The following DNAH10 variants were observed in gnomAD, a reference collection of about 807,000 sequenced individuals.
DNAH10 encodes dynein axonemal heavy chain 10.
In DNAH10, 348 loss-of-function variants were observed where a neutral mutation model predicts 506.6. The ratio of observed to expected loss-of-function variants is 0.69; its 90% CI spans 0.63 to 0.75. DNAH10 has a LOEUF of 0.75. DNAH10 is among the 30% of genes least tolerant of loss of function. DNAH10 has a pLI of 0.00. For synonymous variants in DNAH10, 2,059 were observed against 2,198.6 expected, an observed-to-expected ratio of 0.94 and a Z score of 1.78; for missense variants, 5,179 against 5,787.1, an observed-to-expected ratio of 0.89 and a Z score of 3.41.
chr12:123,803,609 T>A, intron 16 of DNAH10, 52 bp from the exon 17 acceptor site: 1 of 1,456,618 alleles, frequency 6.9e-7, no homozygotes, highest in Non-Finnish European at 9.1e-7. Context: ...TGGGGGGATG[T>A]GGAAAGACAG....
At chr12:123,922,670 T>G (rs1012102489) in intron 65 of DNAH10, among the ~76,000 whole-genome samples, 12 of 152,296 alleles carry the variant, frequency 7.9e-5, no homozygotes, top group African/African-American at 2.6e-4. Flanking sequence ...TTTTGGTAGG[T>G]TTCGTTTCTC....
chr12:123,928,886 G>T lies in DNAH10; in HGVS notation c.12306+299G>T. The T allele has an allele frequency of 2.1e-6, 1 of 475,688 alleles. No homozygotes were observed. Among genetic ancestry groups the T allele is most frequent in the South Asian group, 3.2e-5 (1 of 31,634 alleles). The allele number at this position is 475,688 out of a possible 1,614,324, so 29.5% of individuals were successfully genotyped here. On this transcript the variant is annotated intron_variant, in intron 70 of 78. Coordinates refer to ENST00000673944, the MANE Select transcript of DNAH10 (RefSeq NM_001372106.1). This position sits in a 1 kb window ranked among gnomAD's most constrained non-coding sequence, Gnocchi z 4.9. ...CCCCCCCACACACAGCCTGCAGTTC[G>T]CTAGTGCTGACTGCAGGAGTTTCGC...
chr12:123,802,476 T>A (rs1428318490), intron 16 of DNAH10, among the ~76,000 whole-genome samples: 1 of 152,150 alleles, frequency 6.6e-6, no homozygotes, highest in African/African-American at 2.4e-5. Flanking sequence ...TGGCTCACTT[T>A]TGTATTTTTA....
At chr12:123,892,060 C>T (rs904839319) in intron 52 of DNAH10, among the ~76,000 whole-genome samples, 3 of 152,378 alleles carry the variant, frequency 2.0e-5, no homozygotes, top group Non-Finnish European at 2.9e-5. Context: ...GCCAAAATCC[C>T]GGATGCCCGG....
At chr12:123,824,548 C>T (rs1162510690) in intron 24 of DNAH10, among the ~76,000 whole-genome samples, 1 of 152,106 alleles carries the variant, frequency 6.6e-6, no homozygotes, top group African/African-American at 2.4e-5. Context: ...TGAATACAGA[C>T]CAGGAGGCTG....
intron 27 of DNAH10, 23 bp downstream of exon 27, chr12:123,833,370 G>A: frequency 6.3e-7 from 1 of 1,580,706 alleles, no homozygotes; most frequent in Non-Finnish European, 8.6e-7. Context: ...ATGAACAAAA[G>A]ATGGATTAGA....
intron 57 of DNAH10, among the ~76,000 whole-genome samples, chr12:123,906,063 G>A (rs1308415701): frequency 1.3e-5 from 2 of 148,804 alleles, no homozygotes; most frequent in Non-Finnish European, 3.0e-5. Flanking sequence ...AGCCTCCTGA[G>A]TACCTCCAGA....
chr12:123,924,881 A>G (rs371828005), intron 67 of DNAH10, among the ~76,000 whole-genome samples, 169 bp from the exon 68 acceptor site: 5 of 152,190 alleles, frequency 3.3e-5, no homozygotes, highest in Admixed American at 6.5e-5. Flanking sequence ...TCCTTTCTCA[A>G]TGTCATAGCC....
At chr12:123,809,327 A>G (rs1157450992) in intron 19 of DNAH10, among the ~76,000 whole-genome samples, 5 of 151,882 alleles carry the variant, frequency 3.3e-5, no homozygotes, top group Non-Finnish European at 7.4e-5. Flanking sequence ...ATTCTCCACC[A>G]CCGGTGGTCA....
At chr12:123,838,736 C>G in intron 29 of DNAH10, 47 bp downstream of exon 29, 1 of 1,535,688 alleles carries the variant, frequency 6.5e-7, no homozygotes, top group Non-Finnish European at 8.9e-7. Context: ...GCCTTAGAAC[C>G]GCCTTCGGTC....
chr12:123,879,527 T>A lies in DNAH10; in HGVS notation c.8467-107T>A, dbSNP rs574633539. The A allele has an allele frequency of 3.9e-3, 5,911 of 1,526,450 alleles. 12 individuals carry two copies. Among genetic ancestry groups the A allele is most frequent in the Non-Finnish European group, 4.7e-3 (5,344 of 1,127,420 alleles). The allele number at this position is 1,526,450 out of a possible 1,614,324, so 94.6% of individuals were successfully genotyped here. ...GCGTCTTGCAGCAACTGAAAAAAAA[T>A]AGAACGCAAATTATTTTAGATAATA... On this transcript the variant is annotated intron_variant, in intron 49 of 78. Coordinates refer to ENST00000673944, the MANE Select transcript of DNAH10 (RefSeq NM_001372106.1).
chr12:123,845,851 A>T lies in DNAH10; in HGVS notation c.5612A>T (p.Asp1871Val). 6.2e-7 allele frequency: 1 copy of T among 1,614,000 alleles called. No individual in the cohort carries two copies. The highest frequency in any genetic ancestry group is 1.3e-5 in the African/African-American group (1 of 75,050). The change falls in exon 31 of 79, where the codon GAT becomes GTT. Residue 1871 changes from aspartate (D) to valine (V), a missense_variant. Physicochemically the swap from Asp to Val is radical, Grantham distance 152 (BLOSUM62 -3). Around this residue, in one of 3 missense-constraint regions of DNAH10, gnomAD observed 4,844 missense variants for 5,430.5 expected, o/e 0.89. Transcript: ENST00000673944. Reference sequence around the variant, plus strand: ...GATGTGCATGCCAGAGACATAGTTGATTCTTTCATAAGAGGCAGGTGAGCA... The same window carrying T: ...GATGTGCATGCCAGAGACATAGTTGTTTCTTTCATAAGAGGCAGGTGAGCA... ...IIDVHARDIV[D>V]SFIRGSILEA...
chr12:123,896,719 G>GAAAAA (rs60387471), intron 54 of DNAH10, among the ~76,000 whole-genome samples: 2 of 92,096 alleles, frequency 2.2e-5, no homozygotes, highest in African/African-American at 3.4e-5. Flanking sequence ...CCTGTCTCAA[G>GAAAAA]AAAAAAAAAA....
intron 1 of DNAH10, among the ~76,000 whole-genome samples, chr12:123,766,433 T>C (rs1300979617): frequency 6.6e-6 from 1 of 152,212 alleles, no homozygotes; most frequent in Non-Finnish European, 1.5e-5. Context: ...TATATACATA[T>C]TATTTTGTGA....
At chr12:123,838,778 C>T in intron 29 of DNAH10, 89 bp downstream of exon 29, 1 of 1,230,720 alleles carries the variant, frequency 8.1e-7, no homozygotes, top group Non-Finnish European at 1.2e-6. Context: ...GAGGTTCAAC[C>T]CAGAGGGTTA....
chr12:123,785,853 G>A lies in DNAH10; in HGVS notation c.1338G>A (p.Glu446=). The A allele has an allele frequency of 6.2e-7, 1 of 1,614,220 alleles. No homozygotes were observed. Among genetic ancestry groups the A allele is most frequent in the African/African-American group, 1.3e-5 (1 of 75,058 alleles). ...TCTCCCGACACTACAACAAAGACGA[G>A]AGGATGATTCCGCTCATGGAGCGCA... is the stretch of plus-strand genomic sequence containing the variant. ...WIISRHYNKD[E]RMIPLMERIA... is the part of the protein sequence containing the mutation. The change falls in exon 9 of 79, where the codon GAG becomes GAA. Residue 446 remains glutamate (E), a synonymous_variant. Transcript: ENST00000673944. This position sits in a 1 kb window ranked among gnomAD's most constrained non-coding sequence, Gnocchi z 4.1.
chr12:123,805,961 A>G (rs1026153669), intron 18 of DNAH10, among the ~76,000 whole-genome samples: 14 of 151,994 alleles, frequency 9.2e-5, no homozygotes, highest in Admixed American at 2.0e-4. Flanking sequence ...TATTTTTAGT[A>G]GAGATGGGGT....
At chr12:123,832,872 T>C (rs1960722261) in intron 26 of DNAH10, among the ~76,000 whole-genome samples, 1 of 152,174 alleles carries the variant, frequency 6.6e-6, no homozygotes, top group Admixed American at 6.5e-5. Flanking sequence ...CCTACCAATA[T>C]ACTTTGAGGT....
At position 123,928,534 on chromosome 12, in the gene DNAH10, AC is replaced by A. The variant is rs1955047557; in HGVS notation, c.12255del (p.Thr4086ArgfsTer16). On this transcript the variant is annotated frameshift_variant, in exon 70 of 79. Transcript: ENST00000673944. LOFTEE classifies it high-confidence loss of function. The surrounding 1 kb of genome is among the most constrained non-coding windows in gnomAD (Gnocchi z 4.9). ...KPHPDFRLWL[T>X]TDPTKGFPIG... ...CCACCCAGACTTCCGCCTGTGGCTC[AC>A]CACGGACCCCACCAAGGGCTTCCCC... 3 of 1,611,004 alleles carry A rather than the reference AC, an allele frequency of 1.9e-6. No individual in the cohort carries two copies. Among genetic ancestry groups the A allele is most frequent in the East Asian group, 2.2e-5 (1 of 44,824 alleles).
Sources: gnomAD v4.1 joint callset for allele counts (sites outside exome capture counted in the v4.1 genomes callset) on GRCh38, gnomAD v4.1.1 for gene constraint, gnomAD v4.1.1 regional missense constraint, Gnocchi (gnomAD v3.1) non-coding constraint, MANE v1.5 for transcripts, NCBI Gene and HGNC (gene_info 2026-07-23, HGNC 2026-07-21) for gene names.